The following DNAH11 variants were observed in gnomAD, a reference collection of about 807,000 sequenced individuals.
The protein encoded by DNAH11 is dynein axonemal heavy chain 11.
In DNAH11, 442 loss-of-function variants were observed where a neutral mutation model predicts 526.0. The observed-to-expected ratio is 0.84, with a 90% CI of 0.78 to 0.91. The LOEUF (loss-of-function observed/expected upper bound fraction) is 0.91, where lower values mean the gene tolerates loss of function less well. Among genes scored for constraint, DNAH11 ranks in the 40% least tolerant of loss-of-function variants. The probability of loss-of-function intolerance (pLI) is 0.00; values close to 1 mark genes in which losing one functional copy is unlikely to be tolerated. For missense variants in DNAH11, 6,989 were observed against 5,448.7 expected (o/e 1.28, Z -8.90); for synonymous variants, 2,461 against 1,935.9 (o/e 1.27, Z -7.12).
intron 28 of DNAH11, among the ~76,000 whole-genome samples, chr7:21,648,689 G>A (rs1350150435): frequency 6.6e-6 from 1 of 152,058 alleles, no homozygotes; most frequent in Non-Finnish European, 1.5e-5. Context: ...TTGTTATACT[G>A]CAAAGTTAAT....
At chr7:21,629,107 C>T (rs1028844241) in intron 25 of DNAH11, among the ~76,000 whole-genome samples, 2 of 151,892 alleles carry the variant, frequency 1.3e-5, no homozygotes, top group African/African-American at 4.8e-5. Flanking sequence ...GTTTTATTTC[C>T]ATTTTAATTT....
At chr7:21,789,424 C>T (rs1309150775) in intron 61 of DNAH11, 82 bp downstream of exon 61, 4 of 806,376 alleles carry the variant, frequency 5.0e-6, no homozygotes, top group Non-Finnish European at 7.9e-6. Flanking sequence ...CAGACAGCAC[C>T]ATATCTGAGC....
intron 49 of DNAH11, 147 bp from the exon 50 acceptor site, chr7:21,744,291 C>G: frequency 3.2e-6 from 3 of 945,496 alleles, no homozygotes; most frequent in South Asian, 3.3e-5. Context: ...AGTAAACCTA[C>G]TTTTATACAC....
At chr7:21,771,849 C>CA (rs1787449019) in intron 55 of DNAH11, among the ~76,000 whole-genome samples, 2 of 132,584 alleles carry the variant, frequency 1.5e-5, no homozygotes, top group East Asian at 3.9e-4. Flanking sequence ...CAACGCCCCC[C>CA]ACAAAAAAAA....
At chr7:21,694,295 T>C (rs561620020) in intron 35 of DNAH11, among the ~76,000 whole-genome samples, 72 of 152,286 alleles carry the variant, frequency 4.7e-4, no homozygotes, top group African/African-American at 1.7e-3. Flanking sequence ...ACCCATCATC[T>C]AGGTTTTAAG....
chr7:21,790,318 C>A (rs1321000564), intron 61 of DNAH11, among the ~76,000 whole-genome samples: 1 of 151,904 alleles, frequency 6.6e-6, no homozygotes, highest in Non-Finnish European at 1.5e-5. Flanking sequence ...GGCGTCATGG[C>A]GGGTGACTGT....
At chr7:21,785,871 T>G (rs910574998) in intron 58 of DNAH11, among the ~76,000 whole-genome samples, 3 of 152,200 alleles carry the variant, frequency 2.0e-5, no homozygotes, top group Non-Finnish European at 4.4e-5. Flanking sequence ...TTTGATAAGG[T>G]TTTATAAGCA....
At chr7:21,835,509 A>G (rs916047009) in intron 65 of DNAH11, among the ~76,000 whole-genome samples, 2 of 152,222 alleles carry the variant, frequency 1.3e-5, no homozygotes, top group African/African-American at 2.4e-5. Flanking sequence ...TCAAGGGGAA[A>G]AAACATACAA....
intron 61 of DNAH11, among the ~76,000 whole-genome samples, chr7:21,792,679 A>G (rs1562549273): frequency 6.6e-6 from 1 of 152,126 alleles, no homozygotes; most frequent in Non-Finnish European, 1.5e-5. Flanking sequence ...ATATGTTGGC[A>G]TATACATGTT....
intron 65 of DNAH11, among the ~76,000 whole-genome samples, chr7:21,833,895 C>T (rs1172492220): frequency 6.6e-6 from 1 of 151,872 alleles, no homozygotes; most frequent in Non-Finnish European, 1.5e-5. Flanking sequence ...TACAGCAAAA[C>T]GATAATAATA....
At chr7:21,871,561 C>A (rs1001243643) in intron 73 of DNAH11, among the ~76,000 whole-genome samples, 5 of 152,162 alleles carry the variant, frequency 3.3e-5, no homozygotes, top group African/African-American at 1.2e-4. Flanking sequence ...GCCCATAAGA[C>A]AGAGAATGAA....
chr7:21,876,107 A>T (rs1038559645), intron 74 of DNAH11, among the ~76,000 whole-genome samples: 1 of 151,858 alleles, frequency 6.6e-6, no homozygotes, highest in African/African-American at 2.4e-5. Context: ...GATGGTCTTG[A>T]TCTCCTGACC....
chr7:21,833,770 G>A (rs1583751543), intron 65 of DNAH11, among the ~76,000 whole-genome samples: 1 of 152,068 alleles, frequency 6.6e-6, no homozygotes, highest in East Asian at 1.9e-4. Context: ...TAAAATATAA[G>A]TTTTATTGTA....
At chr7:21,691,056 AT>A (rs1310703948) in intron 35 of DNAH11, among the ~76,000 whole-genome samples, 175 bp downstream of exon 35, 32 of 152,184 alleles carry the variant, frequency 2.1e-4, no homozygotes, top group Admixed American at 2.1e-3. Context: ...ACCCTTTTGA[AT>A]TATAAAACCA....
rs57208694 is a variant in DNAH11 at position 21,619,237 on chromosome 7, A to G, written c.4377+15A>G. On this transcript the variant is annotated intron_variant, in intron 24 of 81. Coordinates refer to ENST00000409508, the MANE Select transcript of DNAH11 (RefSeq NM_001277115.2). Reference sequence around the variant, plus strand: ...GGACTGAGAAGGTAGTGTCCTCGGGACTGGGTCATTTCTACTTGGCTAATT... The same window carrying G: ...GGACTGAGAAGGTAGTGTCCTCGGGGCTGGGTCATTTCTACTTGGCTAATT... 0.48 allele frequency: 766,684 copies of G among 1,607,068 alleles called. 186,208 individuals carry two copies. Among genetic ancestry groups the G allele is most frequent in the East Asian group, 0.77 (34,294 of 44,690 alleles).
rs564433477 is a variant in DNAH11 at position 21,601,057 on chromosome 7, C to G, written c.3303C>G (p.Asp1101Glu). ...ATGTTCAAATGAGCAAATTTGAGGA[C>G]TTTAGAGTGTTTGATAGTTGGTTCA... Reference protein sequence around the residue: ...ALYVQMSKFEDFRVFDSWFKV... With the variant: ...ALYVQMSKFEEFRVFDSWFKV... The change falls in exon 17 of 82, where the codon GAC becomes GAG. Residue 1101 changes from aspartate (D) to glutamate (E), a missense_variant. Physicochemically the swap from Asp to Glu is conservative, Grantham distance 45. Transcript: ENST00000409508. The G allele has an allele frequency of 2.9e-5, 47 of 1,612,190 alleles. No homozygotes were observed. In the South Asian group the frequency reaches 5.2e-4, roughly 18 times the overall value.
At chr7:21,589,751 T>C (rs1238908642) in intron 12 of DNAH11, among the ~76,000 whole-genome samples, 1 of 152,170 alleles carries the variant, frequency 6.6e-6, no homozygotes, top group Admixed American at 6.5e-5. Context: ...AATTGAATCA[T>C]TTGTCTTTGC....
intron 66 of DNAH11, 62 bp from the exon 67 acceptor site, chr7:21,852,405 T>TAAAAAAA: frequency 4.0e-6 from 5 of 1,242,618 alleles, no homozygotes; most frequent in East Asian, 2.7e-5. Flanking sequence ...AGACTTCCTC[T>TAAAAAAA]AAAAAAAAAA....
At chr7:21,549,406 T>C (rs763600634) in intron 2 of DNAH11, among the ~76,000 whole-genome samples, 24 of 136,248 alleles carry the variant, frequency 1.8e-4, no homozygotes, top group Non-Finnish European at 3.2e-4. Context: ...TTTAAATCCT[T>C]TACCTTAATT....
Sources: gnomAD v4.1 joint callset for allele counts (sites outside exome capture counted in the v4.1 genomes callset) on GRCh38, gnomAD v4.1.1 for gene constraint, MANE v1.5 for transcripts, NCBI Gene and HGNC (gene_info 2026-07-23, HGNC 2026-07-21) for gene names.